SLC2A9: variants seen among roughly 807,000 people sequenced by gnomAD.
The protein encoded by SLC2A9 is solute carrier family 2, facilitated glucose transporter member 9.
SLC2A9 carries 39 observed loss-of-function variants against 50.6 expected under a neutral mutation model. The observed-to-expected ratio is 0.77, with a 90% CI of 0.60 to 1.01. The LOEUF (loss-of-function observed/expected upper bound fraction) is 1.01. SLC2A9 is among the 50% of genes least tolerant of loss of function. SLC2A9 has a pLI of 0.00. For synonymous variants in SLC2A9, 324 were observed against 276.9 expected (o/e 1.17, Z -1.69); for missense variants, 686 against 677.6 (o/e 1.01, Z -0.14).
intron 5 of SLC2A9, among the ~76,000 whole-genome samples, chr4:9,953,315 C>T (rs1053948059): frequency 2.0e-4 from 30 of 152,194 alleles, no homozygotes; most frequent in African/African-American, 6.3e-4. Flanking sequence ...ACGAGAGGTC[C>T]CACACTGTAT....
chr4:9,854,813 C>T (rs1224700119), intron 10 of SLC2A9, among the ~76,000 whole-genome samples: 1 of 152,058 alleles, frequency 6.6e-6, no homozygotes, highest in African/African-American at 2.4e-5. Context: ...TTGACATATA[C>T]AAATCAATAG....
intron 3 of SLC2A9, among the ~76,000 whole-genome samples, chr4:9,780,453 G>C (rs550882079): frequency 6.6e-6 from 1 of 152,126 alleles, no homozygotes; most frequent in African/African-American, 2.4e-5. Flanking sequence ...GGAGGTTGGG[G>C]GAAGGGACTG....
intron 8 of SLC2A9, among the ~76,000 whole-genome samples, chr4:9,895,279 A>T (rs1190035021): frequency 6.6e-6 from 1 of 152,224 alleles, no homozygotes; most frequent in African/African-American, 2.4e-5. Flanking sequence ...GTCTAGGAAG[A>T]CACCAGGGAA....
chr4:9,800,485 C>A (rs1406729800), intron 3 of SLC2A9, among the ~76,000 whole-genome samples: 1 of 152,152 alleles, frequency 6.6e-6, no homozygotes, highest in Non-Finnish European at 1.5e-5. Flanking sequence ...CATTTATAAG[C>A]CAAGCGGGGA....
chr4:10,021,387 C>G lies in SLC2A9; in HGVS notation c.43G>C (p.Val15Leu). 3 of 1,614,182 alleles carry G rather than the reference C, an allele frequency of 1.9e-6. No homozygotes were observed. Among genetic ancestry groups the G allele is most frequent in the Non-Finnish European group, 1.7e-6 (2 of 1,179,970 alleles). The change falls in exon 1 of 12, where the codon GTT becomes CTT. Residue 15 changes from valine to leucine, a missense_variant. By Grantham distance (32) the Val-to-Leu change is conservative. Coordinates refer to ENST00000264784, the MANE Select transcript of SLC2A9 (RefSeq NM_020041.3). ...QNRNSKELGL[V>L]PLTDDTSHAG... ...TGGCTGGTGTCATCTGTGAGGGGAACTAGGCCCAGTTCCTTGGAATTCCTA... is the reference window on the plus strand; with the variant it reads ...TGGCTGGTGTCATCTGTGAGGGGAAGTAGGCCCAGTTCCTTGGAATTCCTA...
intron 3 of SLC2A9, chr4:9,782,962 C>G: frequency 1.2e-6 from 2 of 1,614,000 alleles, no homozygotes; most frequent in Middle Eastern, 1.7e-4. Context: ...GCTGGCTGCC[C>G]TTCTTCATCC....
chr4:9,985,917 CAGGGA>C, intron 3 of SLC2A9, 124 bp from the exon 4 acceptor site: 4 of 1,380,628 alleles, frequency 2.9e-6, no homozygotes, highest in Non-Finnish European at 3.0e-6. Context: ...AGGCACAGTG[CAGGGA>C]GCACTGGCCT....
chr4:9,819,562 C>T (rs905624045), intron 3 of SLC2A9, among the ~76,000 whole-genome samples: 1 of 152,124 alleles, frequency 6.6e-6, no homozygotes, highest in Non-Finnish European at 1.5e-5. Context: ...GATACAAGTT[C>T]TTTGGTGGAT....
intron 2 of SLC2A9, among the ~76,000 whole-genome samples, chr4:10,013,089 C>T (rs56190921): frequency 0.022 from 3,347 of 152,232 alleles, 70 homozygotes; most frequent in African/African-American, 0.058. Flanking sequence ...TGGTGATCAA[C>T]GCACCAGCAC....
intron 10 of SLC2A9, among the ~76,000 whole-genome samples, chr4:9,848,699 CTT>C (rs147201182): frequency 4.3e-4 from 56 of 130,770 alleles, no homozygotes; most frequent in Non-Finnish European, 3.4e-4. Flanking sequence ...AGTGGAAATT[CTT>C]TTTTTTTTTT....
chr4:10,015,617 G>A (rs11736410), intron 2 of SLC2A9, among the ~76,000 whole-genome samples: 67,001 of 151,966 alleles, frequency 0.44, 16,388 homozygotes, highest in South Asian at 0.59. Flanking sequence ...TCATGGGGGC[G>A]GCCTCATGGT....
chr4:9,973,817 T>C (rs1754311567), intron 5 of SLC2A9, among the ~76,000 whole-genome samples: 1 of 150,342 alleles, frequency 6.7e-6, no homozygotes, highest in East Asian at 2.0e-4. Flanking sequence ...CATATGTAAC[T>C]AACCTGCACG....
At chr4:9,789,344 T>A (rs1298034835) in intron 3 of SLC2A9, among the ~76,000 whole-genome samples, 1 of 152,206 alleles carries the variant, frequency 6.6e-6, no homozygotes, top group African/African-American at 2.4e-5. Context: ...ACAATGAGAA[T>A]TTAGAAATGG....
downstream of SLC2A9, among the ~76,000 whole-genome samples, chr4:9,795,356 C>G (rs1362436537): frequency 6.6e-6 from 1 of 152,130 alleles, no homozygotes; most frequent in Non-Finnish European, 1.5e-5. Context: ...GGCTGCTGTC[C>G]TTACCTTGCT....
rs528818436 is a variant in SLC2A9 at position 9,893,576 on chromosome 4, G to A, written c.1114-2865C>T. The stretch of plus-strand genomic sequence containing the variant: ...AGGGACGGAGGGAGAGAATGAGGGA[G>A]GGAGGGAGGGAGTGAGGGAGGGAGG... On this transcript the variant is annotated intron_variant, in intron 8 of 11. Transcript: ENST00000264784. Among the ~76,000 whole-genome samples, 3 of 150,762 alleles carry A rather than the reference G, an allele frequency of 2.0e-5. No homozygotes were observed. The East Asian group carries it at 5.9e-4, about 30-fold the overall frequency.
chr4:10,033,372 G>A (rs1480833140), intron 1 of SLC2A9, among the ~76,000 whole-genome samples: 3 of 152,064 alleles, frequency 2.0e-5, no homozygotes, highest in Admixed American at 6.6e-5. Flanking sequence ...CCCGGCAGCC[G>A]AAGCATGATT....
At chr4:9,927,060 G>A (rs201219380) in intron 6 of SLC2A9, among the ~76,000 whole-genome samples, 1 of 141,966 alleles carries the variant, frequency 7.0e-6, no homozygotes, top group Non-Finnish European at 1.5e-5. Context: ...ACAGAGTTCC[G>A]TTCTTGTTGC....
At chr4:9,775,654 T>A (rs1215285771), downstream of SLC2A9, among the ~76,000 whole-genome samples, 4 of 152,086 alleles carry the variant, frequency 2.6e-5, no homozygotes, top group African/African-American at 9.7e-5. Context: ...ACCGACTCTC[T>A]CTTGCTTGTT....
chr4:9,944,046 C>A (rs1046348829), intron 5 of SLC2A9, among the ~76,000 whole-genome samples: 1 of 152,226 alleles, frequency 6.6e-6, no homozygotes, highest in Non-Finnish European at 1.5e-5. Flanking sequence ...GGGAGCACTT[C>A]CCAGGGGTGG....
Sources: gnomAD v4.1 joint callset for allele counts (sites outside exome capture counted in the v4.1 genomes callset) on GRCh38, gnomAD v4.1.1 for gene constraint, MANE v1.5 for transcripts, NCBI Gene and HGNC (gene_info 2026-07-23, HGNC 2026-07-21) for gene names.